The following AKAP6 variants were observed in gnomAD, a reference collection of about 807,000 sequenced individuals.
AKAP6 encodes A-kinase anchoring protein 6.
Under a neutral mutation model 188.5 loss-of-function variants are expected in AKAP6, and 58 were observed. That is an observed-to-expected ratio of 0.31 (90% CI 0.25 to 0.38). AKAP6 has a LOEUF of 0.38. AKAP6 is among the 10% of genes least tolerant of loss of function. The pLI, the probability that AKAP6 is intolerant of heterozygous loss-of-function variation, is 1.00. For synonymous variants in AKAP6, 989 were observed against 998.6 expected, an observed-to-expected ratio of 0.99 and a Z score of 0.18; for missense variants, 2,710 against 2,740.0, an observed-to-expected ratio of 0.99 and a Z score of 0.24.
At chr14:32,436,974 C>G (rs944790951) in intron 2 of AKAP6, among the ~76,000 whole-genome samples, 2 of 152,186 alleles carry the variant, frequency 1.3e-5, no homozygotes, top group African/African-American at 4.8e-5. Context: ...CACTTCCTTG[C>G]TTCCTATTGG....
At chr14:32,819,523 C>T (rs1365812248) in intron 12 of AKAP6, among the ~76,000 whole-genome samples, 1 of 152,130 alleles carries the variant, frequency 6.6e-6, no homozygotes, top group African/African-American at 2.4e-5. Flanking sequence ...TGTCTTTCTG[C>T]CAAGTCGTGA....
chr14:32,647,636 A>G (rs1243994994), intron 7 of AKAP6, among the ~76,000 whole-genome samples: 2 of 152,064 alleles, frequency 1.3e-5, no homozygotes, highest in African/African-American at 4.8e-5. Context: ...GGCATCAATG[A>G]TTTCTAAGTC....
intron 4 of AKAP6, 83 bp downstream of exon 4, chr14:32,547,082 A>G (rs963805263): frequency 1.3e-5 from 17 of 1,261,552 alleles, no homozygotes; most frequent in African/African-American, 1.0e-4. Flanking sequence ...CCTACACTCT[A>G]TTATAAAATG....
chr14:32,618,051 A>T (rs1468096423), intron 7 of AKAP6, among the ~76,000 whole-genome samples: 1 of 152,240 alleles, frequency 6.6e-6, no homozygotes, highest in East Asian at 1.9e-4. Flanking sequence ...TAGAAGCTAG[A>T]ACAATTAAAT....
intron 7 of AKAP6, among the ~76,000 whole-genome samples, chr14:32,635,751 T>A (rs1887458332): frequency 1.3e-5 from 2 of 152,116 alleles, no homozygotes; most frequent in African/African-American, 4.8e-5. Flanking sequence ...ACATAAAGAA[T>A]GTTGAAAATG....
intron 7 of AKAP6, among the ~76,000 whole-genome samples, chr14:32,646,821 T>A (rs1888005409): frequency 6.6e-6 from 1 of 152,010 alleles, no homozygotes; most frequent in Non-Finnish European, 1.5e-5. Context: ...CAATGGTGCA[T>A]GAAAAAAGGG....
chr14:32,556,402 G>T (rs1157937236), intron 4 of AKAP6, among the ~76,000 whole-genome samples: 1 of 152,090 alleles, frequency 6.6e-6, no homozygotes, highest in Admixed American at 6.6e-5. Context: ...GAGTGCAGTG[G>T]CATGATCACA....
intron 12 of AKAP6, among the ~76,000 whole-genome samples, chr14:32,800,852 A>C (rs2033927220): frequency 6.6e-6 from 1 of 151,634 alleles, no homozygotes; most frequent in African/African-American, 2.4e-5. Context: ...CCATCTATGC[A>C]AAAAAAATAC....
intron 9 of AKAP6, chr14:32,726,115 C>T (rs968143297): frequency 1.1e-6 from 1 of 884,602 alleles, no homozygotes; most frequent in Non-Finnish European, 1.4e-6. Flanking sequence ...TTTCTAGTTC[C>T]CACACTAGAA....
At chr14:32,601,438 TA>T (rs753683682) in intron 7 of AKAP6, among the ~76,000 whole-genome samples, 3 of 152,214 alleles carry the variant, frequency 2.0e-5, no homozygotes, top group Non-Finnish European at 2.9e-5. Flanking sequence ...AAATAACCCA[TA>T]AAACATATGC....
chr14:32,682,965 C>G (rs1889746426), intron 8 of AKAP6, among the ~76,000 whole-genome samples: 1 of 144,080 alleles, frequency 6.9e-6, no homozygotes. Context: ...ACAAGCATCC[C>G]AGGTGATTCT....
In AKAP6 at chr14:32,545,565, A is replaced by T; in HGVS notation, c.912A>T (p.Lys304Asn). The change falls in exon 4 of 14, where the codon AAA (lysine) becomes AAT (asparagine). Residue 304 changes from lysine to asparagine, a missense_variant. This residue lies in a region of AKAP6 where 2,473 missense variants were observed against 2,426.1 expected (regional missense o/e 1.02). Transcript: ENST00000280979. Reference sequence around the variant, plus strand: ...AAGTATCTCTCTCAGTAGACGACAAAGGTGGATGTGAGGAAGACAATGCTT... The same window carrying T: ...AAGTATCTCTCTCAGTAGACGACAATGGTGGATGTGAGGAAGACAATGCTT... The part of the protein sequence containing the change: ...VSQVSLSVDD[K>N]GGCEEDNASA... 6.2e-7 allele frequency: 1 copy of T among 1,614,196 alleles called. No homozygotes were observed. The highest frequency in any genetic ancestry group is 8.5e-7 in the Non-Finnish European group (1 of 1,180,020).
intron 11 of AKAP6, among the ~76,000 whole-genome samples, chr14:32,746,073 C>T (rs1381064144): frequency 1.3e-5 from 2 of 152,104 alleles, no homozygotes; most frequent in African/African-American, 4.8e-5. Flanking sequence ...AAGTGGGCTC[C>T]CCTCTGGCCC....
At chr14:32,333,791 T>C (rs1183549448) in intron 1 of AKAP6, among the ~76,000 whole-genome samples, 2 of 152,174 alleles carry the variant, frequency 1.3e-5, no homozygotes, top group Non-Finnish European at 2.9e-5. Flanking sequence ...GTTGACAAAC[T>C]TGACATATGG....
At position 32,837,378 on chromosome 14, in the gene AKAP6, T is replaced by C. The variant is rs1245577112; in HGVS notation, c.*7573T>C. 6.6e-6 allele frequency: 1 copy of C among 152,200 alleles called. No homozygotes were observed. Among genetic ancestry groups the C allele is most frequent in the Admixed American group, 6.5e-5 (1 of 15,274 alleles). The allele number at this position is 152,200 out of a possible 1,614,324, so 9.4% of individuals were successfully genotyped here. A position where few individuals can be genotyped will look rare whatever the true frequency, so the allele number is the denominator to read the frequency against. On this transcript the variant is annotated 3_prime_UTR_variant, in exon 14 of 14. Transcript: ENST00000280979. ...CATTACAGACGTAAAACAAATATTATTCAGTGAAATTTATTCAAGGACTTA... is the reference window on the plus strand; with the variant it reads ...CATTACAGACGTAAAACAAATATTACTCAGTGAAATTTATTCAAGGACTTA...
At chr14:32,763,938 T>A (rs1004929287) in intron 11 of AKAP6, among the ~76,000 whole-genome samples, 1 of 152,184 alleles carries the variant, frequency 6.6e-6, no homozygotes, top group Non-Finnish European at 1.5e-5. Context: ...AAGAATTACT[T>A]CTTACAATTC....
intron 2 of AKAP6, among the ~76,000 whole-genome samples, chr14:32,448,225 G>T (rs2383304): frequency 1.3e-5 from 2 of 151,948 alleles, no homozygotes; most frequent in African/African-American, 4.8e-5. Context: ...CACTGTAAGC[G>T]GAGGGAACTA....
chr14:32,671,671 A>T (rs1889202692), intron 7 of AKAP6, among the ~76,000 whole-genome samples: 1 of 152,112 alleles, frequency 6.6e-6, no homozygotes, highest in African/African-American at 2.4e-5. Flanking sequence ...CCTTAGAAAT[A>T]TGGACAGCTT....
intron 11 of AKAP6, among the ~76,000 whole-genome samples, chr14:32,737,052 C>T (rs2031460572): frequency 6.6e-6 from 1 of 152,134 alleles, no homozygotes; most frequent in African/African-American, 2.4e-5. Flanking sequence ...AGGTGATTTG[C>T]TGTTTTATCT....
Sources: allele counts gnomAD v4.1 joint callset (sites outside exome capture counted in the v4.1 genomes callset), GRCh38; gene constraint gnomAD v4.1.1; regional missense constraint gnomAD v4.1.1; transcripts MANE v1.5; gene names NCBI Gene and HGNC (gene_info 2026-07-23, HGNC 2026-07-21).